The following GAB2 variants were observed in gnomAD, a reference collection of about 807,000 sequenced individuals.
GAB2 encodes the protein GRB2-associated-binding protein 2.
GAB2 carries 26 observed loss-of-function variants against 65.5 expected under a neutral mutation model. The ratio of observed to expected loss-of-function variants is 0.40; its 90% CI spans 0.29 to 0.55. GAB2 has a LOEUF of 0.55. Among genes scored for constraint, GAB2 ranks in the 20% least tolerant of loss-of-function variants. The pLI is 0.53. For synonymous variants in GAB2, 321 were observed against 329.6 expected, an observed-to-expected ratio of 0.97 and a Z score of 0.28; for missense variants, 884 against 875.8, an observed-to-expected ratio of 1.01 and a Z score of -0.12.
chr11:78,382,518 C>CT (rs989453436), intron 1 of GAB2, among the ~76,000 whole-genome samples: 4 of 151,858 alleles, frequency 2.6e-5, no homozygotes, highest in Non-Finnish European at 5.9e-5. Context: ...CTGAGGTATG[C>CT]TTTTTTTCCT....
At chr11:78,390,994 G>A (rs939300320) in intron 1 of GAB2, among the ~76,000 whole-genome samples, 15 of 152,208 alleles carry the variant, frequency 9.9e-5, no homozygotes, top group African/African-American at 3.6e-4. Context: ...GAAAGCGGAA[G>A]TATTTACTCA....
At chr11:78,239,210 T>A (rs1865064468) in intron 3 of GAB2, among the ~76,000 whole-genome samples, 2 of 152,154 alleles carry the variant, frequency 1.3e-5, no homozygotes, top group Non-Finnish European at 2.9e-5. Flanking sequence ...TTTTAAATTT[T>A]AATTTAATTT....
intron 1 of GAB2, among the ~76,000 whole-genome samples, chr11:78,290,470 G>T (rs1206240823): frequency 6.6e-6 from 1 of 152,192 alleles, no homozygotes; most frequent in African/African-American, 2.4e-5. Flanking sequence ...CATGTCACAT[G>T]AACCTGTCTC....
chr11:78,336,582 C>T (rs1168048178), intron 1 of GAB2, among the ~76,000 whole-genome samples: 1 of 149,236 alleles, frequency 6.7e-6, no homozygotes, highest in Non-Finnish European at 1.5e-5. Context: ...GGATAATTAA[C>T]GGGCACCTTA....
chr11:78,399,359 G>A (rs534528238), intron 1 of GAB2, among the ~76,000 whole-genome samples: 4 of 152,324 alleles, frequency 2.6e-5, no homozygotes, highest in Admixed American at 2.6e-4. Flanking sequence ...ATCCTGCAGG[G>A]TAGGCAATCT....
intron 1 of GAB2, among the ~76,000 whole-genome samples, chr11:78,334,119 TTTTAA>T (rs1036571211): frequency 2.0e-5 from 3 of 152,220 alleles, no homozygotes; most frequent in African/African-American, 7.2e-5. Flanking sequence ...TTTGTAACTT[TTTTAA>T]TTTAATTTTT....
chr11:78,235,848 A>C (rs926112775), intron 3 of GAB2, among the ~76,000 whole-genome samples: 1 of 152,180 alleles, frequency 6.6e-6, no homozygotes, highest in East Asian at 1.9e-4. Flanking sequence ...TGAGCCCTCC[A>C]AACTGTTCCA....
At chr11:78,323,790 CTTTTTTTTTTTT>C (rs749282969) in intron 1 of GAB2, among the ~76,000 whole-genome samples, 5 of 77,266 alleles carry the variant, frequency 6.5e-5, no homozygotes, top group South Asian at 6.0e-4. Flanking sequence ...CTGAATCTTT[CTTTTTTTTTTTT>C]TTTTTTTTTT....
At chr11:78,397,918 G>C (rs1030903995) in intron 1 of GAB2, among the ~76,000 whole-genome samples, 1 of 152,276 alleles carries the variant, frequency 6.6e-6, no homozygotes, top group Non-Finnish European at 1.5e-5. Flanking sequence ...TCCAGGCACA[G>C]TGGTGCACCT....
intron 1 of GAB2, among the ~76,000 whole-genome samples, chr11:78,362,745 G>C (rs1856450221): frequency 6.6e-6 from 1 of 152,004 alleles, no homozygotes; most frequent in African/African-American, 2.4e-5. Context: ...TAAAATACAA[G>C]AGCACAGGTA....
At chr11:78,312,857 C>T (rs1038675800) in intron 1 of GAB2, among the ~76,000 whole-genome samples, 7 of 152,116 alleles carry the variant, frequency 4.6e-5, no homozygotes, top group African/African-American at 7.2e-5. Flanking sequence ...TTTTGCTCAC[C>T]AAGACCTGCC....
intron 1 of GAB2, among the ~76,000 whole-genome samples, chr11:78,310,655 T>C (rs1855480971): frequency 6.6e-6 from 1 of 152,278 alleles, no homozygotes; most frequent in African/African-American, 2.4e-5. Flanking sequence ...AAAGGGTTAT[T>C]AATGGAAACT....
chr11:78,300,475 T>C (rs1051625579), intron 1 of GAB2, among the ~76,000 whole-genome samples: 1 of 149,372 alleles, frequency 6.7e-6, no homozygotes, highest in East Asian at 2.0e-4. Flanking sequence ...TACCTAGGAG[T>C]GGAATGGATG....
chr11:78,299,988 T>C (rs1030095147), intron 1 of GAB2, among the ~76,000 whole-genome samples: 7 of 152,132 alleles, frequency 4.6e-5, no homozygotes, highest in African/African-American at 1.4e-4. Flanking sequence ...TAACGTAAAA[T>C]GCATCCATCT....
chr11:78,336,310 G>C (rs1388918227), intron 1 of GAB2, among the ~76,000 whole-genome samples: 3 of 107,686 alleles, frequency 2.8e-5, no homozygotes, highest in African/African-American at 1.1e-4. Flanking sequence ...CCGGGCGACA[G>C]AGCGAGACTG....
rs865838520 is a variant in GAB2, at chr11:78,308,094, C to T, written c.76-27193G>A. ...TCCAAATCCTTGGGCCTTCGGACAT[C>T]GGAACTCCAGATGCTTGGGCCTATA... is the stretch of plus-strand genomic sequence containing the variant. On this transcript the variant is annotated intron_variant, in intron 1 of 9. Coordinates refer to ENST00000361507, the MANE Select transcript of GAB2 (RefSeq NM_080491.3). Among the ~76,000 whole-genome samples the T allele has an allele frequency of 5.3e-5, 8 of 152,222 alleles. No individual in the cohort carries two copies. The South Asian group carries it at 8.3e-4, about 16-fold the overall frequency.
At chr11:78,223,700 A>G in intron 5 of GAB2, 24 bp from the exon 6 acceptor site, 5 of 1,554,410 alleles carry the variant, frequency 3.2e-6, no homozygotes, top group Non-Finnish European at 4.4e-6. Flanking sequence ...CAGTGAAAGA[A>G]ATACAGCTGT....
At chr11:78,279,214 G>A (rs4945261) in intron 2 of GAB2, among the ~76,000 whole-genome samples, 23,931 of 152,124 alleles carry the variant, frequency 0.16, 2,437 homozygotes, top group East Asian at 0.4. Context: ...ATCTAGTTCA[G>A]GAATGACTGG....
intron 1 of GAB2, among the ~76,000 whole-genome samples, chr11:78,400,891 G>A (rs1427649795): frequency 9.2e-6 from 1 of 108,310 alleles, no homozygotes; most frequent in Non-Finnish European, 1.7e-5. Context: ...GTGACAGAGT[G>A]AGACTGTCTC....
Sources: gnomAD v4.1 joint callset for allele counts (sites outside exome capture counted in the v4.1 genomes callset) on GRCh38, gnomAD v4.1.1 for gene constraint, MANE v1.5 for transcripts, NCBI Gene and HGNC (gene_info 2026-07-23, HGNC 2026-07-21) for gene names.